The following NDUFAF6 variants were observed in gnomAD, a reference collection of about 807,000 sequenced individuals.
NDUFAF6 encodes the protein NADH:ubiquinone oxidoreductase complex assembly factor 6.
NDUFAF6 carries 45 observed loss-of-function variants against 40.8 expected under a neutral mutation model. The observed-to-expected ratio is 1.10, with a 90% CI of 0.87 to 1.42. The LOEUF is 1.42. Ranked by LOEUF, NDUFAF6 falls within the 40% of genes most tolerant of loss-of-function variation. The probability of loss-of-function intolerance (pLI) is 0.00; values close to 1 mark genes in which losing one functional copy is unlikely to be tolerated. For missense variants in NDUFAF6, 435 were observed against 418.5 expected, an observed-to-expected ratio of 1.04 and a Z score of -0.34; for synonymous variants, 185 against 155.9, an observed-to-expected ratio of 1.19 and a Z score of -1.39.
chr8:95,015,593 T>C (rs916058298), intron 2 of NDUFAF6, among the ~76,000 whole-genome samples: 25 of 152,210 alleles, frequency 1.6e-4, no homozygotes, highest in African/African-American at 6.0e-4. Flanking sequence ...CAATGGTTCT[T>C]CCTTCTAAGA....
chr8:95,058,910 G>T (rs567291515), downstream of NDUFAF6, among the ~76,000 whole-genome samples: 4 of 152,134 alleles, frequency 2.6e-5, no homozygotes, highest in Non-Finnish European at 5.9e-5. Context: ...AACTAGCCAG[G>T]TGTGGTGGTG....
chr8:94,995,649 A>T (rs1826394596), intron 2 of NDUFAF6, among the ~76,000 whole-genome samples: 1 of 152,180 alleles, frequency 6.6e-6, no homozygotes, highest in Non-Finnish European at 1.5e-5. Flanking sequence ...ATCGCTTCAT[A>T]GTTTTAAACA....
intron 1 of NDUFAF6, among the ~76,000 whole-genome samples, chr8:94,910,184 G>A (rs750944079): frequency 7.2e-5 from 11 of 151,778 alleles, no homozygotes; most frequent in East Asian, 1.9e-4. Context: ...AGATGGAGTC[G>A]CTCTGTCGCC....
chr8:94,961,613 C>T (rs1386175119), intron 1 of NDUFAF6, among the ~76,000 whole-genome samples: 1 of 152,088 alleles, frequency 6.6e-6, no homozygotes, highest in Non-Finnish European at 1.5e-5. Context: ...TTAGTAGAGA[C>T]AGGGTTTCAC....
downstream of NDUFAF6, chr8:95,078,734 A>G (rs1808719308): frequency 6.6e-6 from 1 of 151,136 alleles, no homozygotes; most frequent in African/African-American, 2.4e-5. Context: ...AACCTCTGGC[A>G]ATCACTGATC....
chr8:94,896,374 C>T (rs1410398759), intron 1 of NDUFAF6: 1 of 151,568 alleles, frequency 6.6e-6, no homozygotes, highest in Non-Finnish European at 1.5e-5. Flanking sequence ...GCCCGACGCT[C>T]TTCCTTTATC....
intron 1 of NDUFAF6, among the ~76,000 whole-genome samples, chr8:94,962,177 C>T (rs544534734): frequency 1.9e-3 from 286 of 152,370 alleles, no homozygotes; most frequent in African/African-American, 6.3e-3. Flanking sequence ...CTGCCCAGAA[C>T]AGGTACACAA....
chr8:94,993,799 A>C (rs1462739811), intron 2 of NDUFAF6, among the ~76,000 whole-genome samples: 1 of 152,232 alleles, frequency 6.6e-6, no homozygotes, highest in Non-Finnish European at 1.5e-5. Flanking sequence ...GTTTTAAGCC[A>C]CTAAAACATG....
intron 2 of NDUFAF6, among the ~76,000 whole-genome samples, chr8:95,010,233 C>T (rs1461891852): frequency 6.6e-6 from 1 of 152,098 alleles, no homozygotes; most frequent in East Asian, 1.9e-4. Context: ...GGAGTACAGG[C>T]GTGTGCTGCC....
chr8:94,948,453 A>G (rs991723297), intron 2 of NDUFAF6, among the ~76,000 whole-genome samples: 3 of 152,210 alleles, frequency 2.0e-5, no homozygotes, highest in Non-Finnish European at 4.4e-5. Context: ...GGCCAAGGAG[A>G]GCGCTCTTTC....
At chr8:95,011,747 G>A (rs1827235655) in intron 2 of NDUFAF6, among the ~76,000 whole-genome samples, 1 of 152,188 alleles carries the variant, frequency 6.6e-6, no homozygotes, top group African/African-American at 2.4e-5. Context: ...CAGGGATTCA[G>A]ACACCACCCC....
At chr8:95,003,302 A>C (rs1030845341) in intron 2 of NDUFAF6, among the ~76,000 whole-genome samples, 3 of 152,236 alleles carry the variant, frequency 2.0e-5, no homozygotes, top group Admixed American at 1.3e-4. Flanking sequence ...TCTAATAGAG[A>C]TATGTATTAA....
chr8:95,063,163 A>G (rs1832612561), downstream of NDUFAF6, among the ~76,000 whole-genome samples: 1 of 152,246 alleles, frequency 6.6e-6, no homozygotes, highest in African/African-American at 2.4e-5. Context: ...TAACACATGT[A>G]TTTTGTGTAT....
chr8:94,940,801 G>T, intron 1 of NDUFAF6: 1 of 1,537,368 alleles, frequency 6.5e-7, no homozygotes, highest in South Asian at 1.2e-5. Context: ...CTGTGAAGAT[G>T]AACCACCAAG....
intron 9 of NDUFAF6, among the ~76,000 whole-genome samples, chr8:95,063,895 G>A (rs993919997): frequency 6.0e-5 from 9 of 150,000 alleles, no homozygotes; most frequent in South Asian, 2.1e-4. Flanking sequence ...TTTTTGAGAC[G>A]GAGTCCTGCT....
upstream of NDUFAF6, among the ~76,000 whole-genome samples, chr8:94,955,033 C>T (rs1473850604): frequency 1.3e-5 from 2 of 152,148 alleles, no homozygotes; most frequent in Non-Finnish European, 2.9e-5. Context: ...GGAGTTCCTG[C>T]TCTGGAATGG....
At chr8:94,948,375 C>T (rs556222345) in intron 2 of NDUFAF6, among the ~76,000 whole-genome samples, 246 of 152,322 alleles carry the variant, frequency 1.6e-3, no homozygotes, top group Non-Finnish European at 2.2e-3. Flanking sequence ...GCAAAGCCCC[C>T]AGCATAGTAT....
chr8:94,939,696 T>C, intron 1 of NDUFAF6: 1 of 1,020,570 alleles, frequency 9.8e-7, no homozygotes, highest in Non-Finnish European at 1.4e-6. Flanking sequence ...CTGTGACTGG[T>C]CAACAAGTTA....
At chr8:95,072,544 TATGA>T (rs1832902044) in intron 9 of NDUFAF6, among the ~76,000 whole-genome samples, 1 of 152,252 alleles carries the variant, frequency 6.6e-6, no homozygotes, top group African/African-American at 2.4e-5. Flanking sequence ...CACAAGTTCC[TATGA>T]TGGCTTGGAA....
Sources: allele counts gnomAD v4.1 joint callset (sites outside exome capture counted in the v4.1 genomes callset), GRCh38; gene constraint gnomAD v4.1.1; transcripts MANE v1.5; gene names NCBI Gene and HGNC (gene_info 2026-07-23, HGNC 2026-07-21).